The following CNTNAP4 variants were observed in gnomAD, a reference collection of about 807,000 sequenced individuals.
CNTNAP4 encodes the protein contactin associated protein family member 4, also known as contactin-associated protein-like 4.
CNTNAP4 carries 98 observed loss-of-function variants against 148.4 expected under a neutral mutation model. The observed-to-expected ratio is 0.66, with a 90% CI of 0.56 to 0.78. CNTNAP4 has a LOEUF of 0.78. CNTNAP4 is among the 30% of genes least tolerant of loss of function. The pLI is 0.00. For missense variants in CNTNAP4, 1,935 were observed against 1,565.6 expected, an observed-to-expected ratio of 1.24 and a Z score of -3.98; for synonymous variants, 730 against 565.1, an observed-to-expected ratio of 1.29 and a Z score of -4.14.
intron 17 of CNTNAP4, among the ~76,000 whole-genome samples, chr16:76,533,946 T>C (rs1443124672): frequency 6.6e-6 from 1 of 152,214 alleles, no homozygotes; most frequent in Non-Finnish European, 1.5e-5. Context: ...AATTTGGATA[T>C]AGTTATAGCT....
chr16:76,375,802 C>T (rs991338665), intron 3 of CNTNAP4, among the ~76,000 whole-genome samples: 5 of 152,060 alleles, frequency 3.3e-5, no homozygotes, highest in Admixed American at 6.6e-5. Context: ...CTTGAATAGT[C>T]GGATTGTCAG....
chr16:76,337,263 G>C (rs943842164), intron 2 of CNTNAP4, among the ~76,000 whole-genome samples: 2 of 152,140 alleles, frequency 1.3e-5, no homozygotes, highest in Non-Finnish European at 2.9e-5. Flanking sequence ...CCACTATCTG[G>C]TATTCGGGGA....
chr16:76,543,938 T>C (rs1476266909), intron 21 of CNTNAP4, among the ~76,000 whole-genome samples: 1 of 143,548 alleles, frequency 7.0e-6, no homozygotes, highest in Admixed American at 6.7e-5. Context: ...ATTCATATAT[T>C]AAATACATAC....
At chr16:76,406,879 A>C (rs1214139085) in intron 3 of CNTNAP4, among the ~76,000 whole-genome samples, 2 of 152,208 alleles carry the variant, frequency 1.3e-5, no homozygotes, top group East Asian at 3.9e-4. Context: ...GTGAAGCAGC[A>C]AATCCTTAGG....
intron 3 of CNTNAP4, among the ~76,000 whole-genome samples, chr16:76,414,557 TTC>T (rs752461137): frequency 4.8e-4 from 73 of 151,386 alleles, no homozygotes; most frequent in Non-Finnish European, 9.0e-4. Context: ...CTGGGAAGCA[TTC>T]TCTGTTTTTC....
intron 15 of CNTNAP4, among the ~76,000 whole-genome samples, chr16:76,503,370 C>G (rs953788845): frequency 8.5e-5 from 13 of 152,062 alleles, no homozygotes; most frequent in African/African-American, 2.7e-4. Context: ...GTGGCAAAAA[C>G]TGCAATTACT....
chr16:76,380,003 A>G (rs192886721), intron 3 of CNTNAP4, among the ~76,000 whole-genome samples: 1 of 152,306 alleles, frequency 6.6e-6, no homozygotes, highest in Non-Finnish European at 1.5e-5. Context: ...TGACATTTGC[A>G]TAAATCTTGA....
At chr16:76,317,668 G>A (rs924676454) in intron 2 of CNTNAP4, among the ~76,000 whole-genome samples, 2 of 152,082 alleles carry the variant, frequency 1.3e-5, no homozygotes, top group Non-Finnish European at 2.9e-5. Flanking sequence ...TGTGCTTAAT[G>A]CTTGAGCACA....
chr16:76,489,845 C>G lies in CNTNAP4; in HGVS notation c.2042C>G (p.Thr681Ser). 6.3e-7 allele frequency: 1 copy of G among 1,586,248 alleles called. No homozygotes were observed. Among genetic ancestry groups the G allele is most frequent in the Non-Finnish European group, 8.6e-7 (1 of 1,162,294 alleles). The change falls in exon 13 of 24, where the codon ACT (threonine) becomes AGT (serine). Residue 681 changes from threonine (T) to serine (S), a missense_variant. By Grantham distance (58) the Thr-to-Ser change is moderately conservative. Coordinates refer to ENST00000611870, the MANE Select transcript of CNTNAP4 (RefSeq NM_033401.5). ...GCAGAGCACTGTGAACAGGAGTTTACTTATTACTGCAAGAAGTCACGGCTG... is the reference window on the plus strand; with the variant it reads ...GCAGAGCACTGTGAACAGGAGTTTAGTTATTACTGCAAGAAGTCACGGCTG... ...NRAEHCEQEF[T>S]YYCKKSRLVN... is the part of the protein sequence containing the mutation.
chr16:76,434,189 A>C (rs1429728506), intron 4 of CNTNAP4, among the ~76,000 whole-genome samples: 1 of 151,118 alleles, frequency 6.6e-6, no homozygotes, highest in African/African-American at 2.4e-5. Flanking sequence ...GAGTTTATTA[A>C]GTATTATTAA....
chr16:76,466,435 G>C (rs2081178379), intron 9 of CNTNAP4, among the ~76,000 whole-genome samples: 1 of 152,088 alleles, frequency 6.6e-6, no homozygotes, highest in East Asian at 1.9e-4. Context: ...AAGGATAAAT[G>C]CTTTAGAAGA....
At chr16:76,483,712 A>G (rs796073139) in intron 12 of CNTNAP4, among the ~76,000 whole-genome samples, 8 of 152,294 alleles carry the variant, frequency 5.3e-5, no homozygotes, top group African/African-American at 1.9e-4. Flanking sequence ...CAAATGAGAC[A>G]TTTGTTCATA....
intron 3 of CNTNAP4, among the ~76,000 whole-genome samples, chr16:76,376,172 C>T (rs941602767): frequency 6.6e-6 from 1 of 151,904 alleles, no homozygotes; most frequent in Non-Finnish European, 1.5e-5. Flanking sequence ...AGGAAGAAAA[C>T]CTTTATGCAA....
chr16:76,428,412 C>T (rs563875586), intron 4 of CNTNAP4, among the ~76,000 whole-genome samples: 4 of 133,354 alleles, frequency 3.0e-5, no homozygotes, highest in Admixed American at 7.8e-5. Flanking sequence ...GCTCAATTCA[C>T]GACATCGTTT....
intron 4 of CNTNAP4, among the ~76,000 whole-genome samples, chr16:76,442,215 A>G (rs972558080): frequency 6.6e-6 from 1 of 152,126 alleles, no homozygotes; most frequent in Non-Finnish European, 1.5e-5. Flanking sequence ...CACATGAAGG[A>G]AGAGGCCACG....
At chr16:76,548,927 G>A (rs957682919) in intron 21 of CNTNAP4, among the ~76,000 whole-genome samples, 1 of 152,192 alleles carries the variant, frequency 6.6e-6, no homozygotes, top group Non-Finnish European at 1.5e-5. Context: ...TTGCTTATGA[G>A]CAACTTAATA....
Position 76,540,722 on chromosome 16 carries a change from G to T in CNTNAP4, c.3374G>T (p.Arg1125Ile). ...VFIEIDDNRR[R>I]QVHLSSGTEF... ...TTGTAGATTGACGATAATAGAAGGAGACAAGTTCACCTGTCATCAGGCACA... is the reference window on the plus strand; with the variant it reads ...TTGTAGATTGACGATAATAGAAGGATACAAGTTCACCTGTCATCAGGCACA... Residue 1125 changes from arginine to isoleucine, a missense_variant, in exon 21 of 24, where the codon AGA becomes ATA. Arg to Ile is a moderately conservative substitution (Grantham distance 97). Coordinates refer to ENST00000611870, the MANE Select transcript of CNTNAP4 (RefSeq NM_033401.5). The T allele has an allele frequency of 6.4e-7, 1 of 1,572,696 alleles. No individual in the cohort carries two copies. The highest frequency in any genetic ancestry group is 1.2e-5 in the South Asian group (1 of 85,432).
Position 76,498,608 on chromosome 16 carries a change from C to A in CNTNAP4, c.2279C>A (p.Pro760Gln), listed in dbSNP as rs1486228919. 6.2e-7 allele frequency: 1 copy of A among 1,612,392 alleles called. No individual in the cohort carries two copies. The highest frequency in any genetic ancestry group is 1.1e-5 in the South Asian group (1 of 90,626). ...TGLLAYKEHL[P>Q]VTKIVITDTG... ...TTGCTTGCTTATAAAGAACATCTTC[C>A]AGTAACTAAGATCGTGATTACAGAC... Residue 760 changes from proline to glutamine, a missense_variant, in exon 15 of 24, where the codon CCA (proline) becomes CAA (glutamine). Coordinates refer to ENST00000611870, the MANE Select transcript of CNTNAP4 (RefSeq NM_033401.5).
intron 1 of CNTNAP4, among the ~76,000 whole-genome samples, chr16:76,300,236 A>C (rs1396844210): frequency 6.6e-6 from 1 of 152,198 alleles, no homozygotes; most frequent in Non-Finnish European, 1.5e-5. Context: ...TTTAAAGAGA[A>C]CACATTCCAT....
Sources: allele counts gnomAD v4.1 joint callset (sites outside exome capture counted in the v4.1 genomes callset), GRCh38; gene constraint gnomAD v4.1.1; transcripts MANE v1.5; gene names NCBI Gene and HGNC (gene_info 2026-07-23, HGNC 2026-07-21).